Variants in SYCE1 observed in about 807,000 individuals in gnomAD.
The protein encoded by SYCE1 is cancer/testis antigen 76.
A neutral mutation model predicts 55.1 loss-of-function variants in SYCE1; 37 were observed. The ratio of observed to expected loss-of-function variants is 0.67; its 90% CI spans 0.52 to 0.88. The LOEUF is 0.88. SYCE1 is among the 40% of genes least tolerant of loss of function. SYCE1 has a pLI of 0.00. For missense variants in SYCE1, 399 were observed against 416.4 expected (o/e 0.96, Z 0.36); for synonymous variants, 163 against 159.4 (o/e 1.02, Z -0.17).
rs1851765692 is a variant in SYCE1, at chr10:133,559,340, C to A, written c.157G>T (p.Val53Phe). Residue 53 changes from valine to phenylalanine, a missense_variant, in exon 3 of 13, where the codon GTT (valine) becomes TTT (phenylalanine). Coordinates refer to ENST00000343131, the MANE Select transcript of SYCE1 (RefSeq NM_001143764.3). The stretch of plus-strand genomic sequence containing the variant: ...TTAATCCGGTTAATCAGGACCTCAA[C>A]TCGGGGCTCTAGGCTTCCCACTGCA... ...LQKVGSLEPR[V>F]EVLINRINEV... 6.2e-7 allele frequency: 1 copy of A among 1,614,030 alleles called. No homozygotes were observed.
upstream of SYCE1, among the ~76,000 whole-genome samples, chr10:133,567,595 C>G (rs1442113039): frequency 2.0e-5 from 3 of 152,016 alleles, no homozygotes; most frequent in Non-Finnish European, 4.4e-5. Flanking sequence ...ATTCTTAAGT[C>G]CTTTGGTCCA....
rs762334170 is a variant in SYCE1, at chr10:133,555,609, T to C, written c.818A>G (p.Gln273Arg). Residue 273 changes from glutamine to arginine, a missense_variant, in exon 11 of 13, where the codon CAG becomes CGG. Coordinates refer to ENST00000343131, the MANE Select transcript of SYCE1 (RefSeq NM_001143764.3). ...QLQQKCQQQQ[Q>R]KRQRLKEELE... ...CCTCCACACGCACCTCTGCCGCTTC[T>C]GCTGCTGTTGTTGGCACTTCTGCTG... 6.2e-7 allele frequency: 1 copy of C among 1,605,788 alleles called. No homozygotes were observed. The highest frequency in any genetic ancestry group is 1.7e-5 in the Admixed American group (1 of 59,836).
At chr10:133,557,031 C>G in intron 7 of SYCE1, 36 bp downstream of exon 7, 1 of 1,590,712 alleles carries the variant, frequency 6.3e-7, no homozygotes. Context: ...CAACTACTGG[C>G]CATCCAAACC....
In SYCE1 at chr10:133,557,880, C is replaced by G; in HGVS notation, c.358G>C (p.Glu120Gln). 1 of 1,614,136 alleles carries G rather than the reference C, an allele frequency of 6.2e-7. No individual in the cohort carries two copies. Among genetic ancestry groups the G allele is most frequent in the Non-Finnish European group, 8.5e-7 (1 of 1,180,034 alleles). Residue 120 changes from glutamate to glutamine, a missense_variant, in exon 6 of 13, where the codon GAA becomes CAA. Physicochemically the swap from Glu to Gln is conservative, Grantham distance 29. Transcript: ENST00000343131. ...RILRLHCQEK[E>Q]SEAHRKHTML... ...AGCTCTTACCTGTGTGCCTCACTTT[C>G]CTTTTCCTGGCAATGCAGCCGGAGG...
At chr10:133,558,734 G>A (rs922693196) in intron 4 of SYCE1, 143 bp downstream of exon 4, 10 of 781,708 alleles carry the variant, frequency 1.3e-5, no homozygotes, top group African/African-American at 5.3e-5. Context: ...CAAGCAGAGA[G>A]GAGAGGGGGA....
chr10:133,560,294 G>GTGT, intron 1 of SYCE1, 141 bp from the exon 2 acceptor site: 1 of 622,788 alleles, frequency 1.6e-6, no homozygotes, highest in Non-Finnish European at 2.8e-6. Context: ...TACACTAGAT[G>GTGT]AATCGGGCTC....
chr10:133,562,260 AATGT>A (rs1338300732), intron 1 of SYCE1, among the ~76,000 whole-genome samples: 8 of 121,886 alleles, frequency 6.6e-5, no homozygotes, highest in African/African-American at 2.5e-4. Flanking sequence ...GCTAACATCC[AATGT>A]GTGTGTGTGT....
intron 8 of SYCE1, 143 bp downstream of exon 8, chr10:133,556,616 C>T: frequency 2.4e-6 from 2 of 820,804 alleles, no homozygotes; most frequent in Non-Finnish European, 2.0e-6. Context: ...TGACAAGGGA[C>T]TGGATTCAGG....
upstream of SYCE1, chr10:133,567,957 C>T (rs1189364207): frequency 5.2e-6 from 3 of 573,014 alleles, no homozygotes; most frequent in Admixed American, 4.4e-5. Flanking sequence ...GGCGGGTCCA[C>T]AGGGGCAGCC....
intron 4 of SYCE1, 35 bp from the exon 5 acceptor site, chr10:133,558,249 T>C: frequency 1.2e-6 from 2 of 1,609,992 alleles, no homozygotes; most frequent in Non-Finnish European, 1.7e-6. Context: ...CATCAGGGAC[T>C]ATGCACTGCA....
In SYCE1 at chr10:133,555,819, T is replaced by C. The variant is rs1394107078; in HGVS notation, c.680A>G (p.Glu227Gly). ...CTCCTGGCTGCGGAGAAAGAGTCCC[T>C]CATCAAGGGTGGAGGGGCCCTCAGC... The part of the protein sequence containing the change: ...CGAEGPSTLD[E>G]GLFLRSQEAA... The change falls in exon 10 of 13, where the codon GAG becomes GGG. Residue 227 changes from glutamate (E) to glycine (G), a missense_variant. Physicochemically the swap from Glu to Gly is moderately conservative, Grantham distance 98. Transcript: ENST00000343131. 3 of 1,613,538 alleles carry C rather than the reference T, an allele frequency of 1.9e-6. No homozygotes were observed. The African/African-American group carries it at 4.0e-5, about 22-fold the overall frequency.
intron 5 of SYCE1, 94 bp from the exon 6 acceptor site, chr10:133,558,012 C>T (rs537406397): frequency 5.2e-6 from 8 of 1,541,686 alleles, no homozygotes; most frequent in Middle Eastern, 1.9e-4. Context: ...TCTGTGGACA[C>T]CTGATTGAGC....
At chr10:133,566,129 G>A (rs1475377642), upstream of SYCE1, among the ~76,000 whole-genome samples, 5 of 152,196 alleles carry the variant, frequency 3.3e-5, no homozygotes, top group African/African-American at 1.2e-4. Flanking sequence ...ACAAGCCCAC[G>A]GTCCCTTCTG....
In SYCE1 at chr10:133,554,997, A is replaced by T. The variant is rs761002795; in HGVS notation, c.1051T>A (p.Phe351Ile). Residue 351 changes from phenylalanine (F) to isoleucine (I), a missense_variant, in exon 13 of 13, where the codon TTT (phenylalanine) becomes ATT (isoleucine). Physicochemically the swap from Phe to Ile is conservative, Grantham distance 21. Transcript: ENST00000343131. ...PRGFQEIKEL[F>I] is the part of the protein sequence containing the mutation. ...CACCAGTAGACTTAGCTGTATCAAA[A>T]TAGCTCCTTTATTTCCTGAAAGCCC... 1.3e-6 allele frequency: 2 copies of T among 1,506,610 alleles called. No individual in the cohort carries two copies. The allele number at this position is 1,506,610 out of a possible 1,614,324, so 93.3% of individuals were successfully genotyped here.
intron 1 of SYCE1, among the ~76,000 whole-genome samples, chr10:133,564,004 AAC>A (rs145033117): frequency 0.098 from 14,869 of 152,074 alleles, 896 homozygotes; most frequent in East Asian, 0.25. Flanking sequence ...TCCTTTTTAA[AAC>A]AGATAGACTA....
At position 133,557,710 on chromosome 10, in the gene SYCE1, C is replaced by T. The variant is rs1306428884; in HGVS notation, c.374+154G>A. On this transcript the variant is annotated intron_variant, in intron 6 of 12. Coordinates refer to ENST00000343131, the MANE Select transcript of SYCE1 (RefSeq NM_001143764.3). ...GAGTTTCCCTTAACACTACTGCCAGCTGTTGGAGCCGAAGGGGAAAGACAT... is the reference window on the plus strand; with the variant it reads ...GAGTTTCCCTTAACACTACTGCCAGTTGTTGGAGCCGAAGGGGAAAGACAT... 1.3e-5 allele frequency: 10 copies of T among 756,420 alleles called. No individual in the cohort carries two copies. The African/African-American group carries it at 1.5e-4, about 12-fold the overall frequency. The allele number at this position is 756,420 out of a possible 1,614,324, so 46.9% of individuals were successfully genotyped here. A position where few individuals can be genotyped will look rare whatever the true frequency, so the allele number is the denominator to read the frequency against.
chr10:133,559,600 C>A, intron 2 of SYCE1: 1 of 521,814 alleles, frequency 1.9e-6, no homozygotes, highest in Non-Finnish European at 3.5e-6. Context: ...CCAAGGGAGG[C>A]TAAAGAGCAA....
intron 11 of SYCE1, 54 bp downstream of exon 11, chr10:133,555,543 C>G: frequency 6.2e-7 from 1 of 1,603,718 alleles, no homozygotes; most frequent in Non-Finnish European, 8.5e-7. Flanking sequence ...AGAGGAGATA[C>G]AACATCAGTC....
chr10:133,567,959 G>A (rs569258307), upstream of SYCE1: 247 of 575,610 alleles, frequency 4.3e-4, no homozygotes, highest in African/African-American at 4.0e-3. Flanking sequence ...CGGGTCCACA[G>A]GGGCAGCCAG....
Sources: allele counts gnomAD v4.1 joint callset (sites outside exome capture counted in the v4.1 genomes callset), GRCh38; gene constraint gnomAD v4.1.1; transcripts MANE v1.5; gene names NCBI Gene and HGNC (gene_info 2026-07-23, HGNC 2026-07-21).